Variants in GAD2 observed in about 807,000 individuals in gnomAD.
GAD2 encodes the protein 65 kDa glutamic acid decarboxylase.
In GAD2, 22 loss-of-function variants were observed where a neutral mutation model predicts 80.1. The observed-to-expected ratio is 0.27, with a 90% confidence interval of 0.20 to 0.39. The LOEUF (loss-of-function observed/expected upper bound fraction) is 0.39, where lower values mean the gene tolerates loss of function less well. Among genes scored for constraint, GAD2 ranks in the 10% least tolerant of loss-of-function variants. The pLI, the probability that GAD2 is intolerant of heterozygous loss-of-function variation, is 1.00. For synonymous variants in GAD2, 274 were observed against 256.9 expected (o/e 1.07, Z -0.64); for missense variants, 624 against 738.4 (o/e 0.85, Z 1.80).
chr10:26,292,989 A>G lies in GAD2; in HGVS notation c.1582A>G (p.Lys528Glu). ...TGAAGAGAGAATGAGTCGCCTCTCG[A>G]AGGTCAGTGCTCCAAGCTCCTCTGA... The part of the protein sequence containing the change: ...DNEERMSRLS[K>E]VAPVIKARMM... The change falls in exon 15 of 16, where the codon AAG (lysine) becomes GAG (glutamate). Residue 528 changes from lysine (K) to glutamate (E), a missense_variant and splice_region_variant. Coordinates refer to ENST00000376261, the MANE Select transcript of GAD2 (RefSeq NM_001134366.2). 1.2e-6 allele frequency: 2 copies of G among 1,611,524 alleles called. No individual in the cohort carries two copies. The highest frequency in any genetic ancestry group is 1.7e-6 in the Non-Finnish European group (2 of 1,178,236).
At chr10:26,233,577 C>A (rs1326439092) in intron 7 of GAD2, among the ~76,000 whole-genome samples, 1 of 152,178 alleles carries the variant, frequency 6.6e-6, no homozygotes, top group Non-Finnish European at 1.5e-5. Context: ...GGGCTCTAGA[C>A]CTCAGACATT....
At chr10:26,227,183 G>A (rs1166476319) in intron 6 of GAD2, among the ~76,000 whole-genome samples, 2 of 152,122 alleles carry the variant, frequency 1.3e-5, no homozygotes, top group Non-Finnish European at 2.9e-5. Flanking sequence ...AGTAGAGATG[G>A]GGTTTCACCA....
At chr10:26,296,918 G>C (rs1834280858) in intron 15 of GAD2, among the ~76,000 whole-genome samples, 1 of 140,788 alleles carries the variant, frequency 7.1e-6, no homozygotes, top group African/African-American at 2.8e-5. Context: ...TCGCATATTA[G>C]AATTTTTTTT....
chr10:26,249,129 C>A (rs945508702), intron 8 of GAD2, among the ~76,000 whole-genome samples: 1 of 152,182 alleles, frequency 6.6e-6, no homozygotes, highest in Non-Finnish European at 1.5e-5. Context: ...GTGGTGCTGT[C>A]TCGGCTCACT....
rs111385745 is a variant in GAD2 at position 26,217,230 on chromosome 10, G to GAA, written c.76+354_76+355dup. On this transcript the variant is annotated intron_variant, in intron 1 of 15. Transcript: ENST00000376261. The surrounding 1 kb of genome is among the most constrained non-coding windows in gnomAD (Gnocchi z 4.9). ...GTGGGACGGAGTGACCGTGAAGATA[G>GAA]AAAAAAAAAATGGGAAAGGTGAGAG... Among the ~76,000 whole-genome samples the GAA allele has an allele frequency of 7.5e-5, 11 of 147,306 alleles. No homozygotes were observed. The highest frequency in any genetic ancestry group is 2.7e-4 in the African/African-American group (11 of 40,196).
chr10:26,216,674 C>A, upstream of GAD2: 5 of 542,638 alleles, frequency 9.2e-6, 1 homozygote, highest in East Asian at 1.1e-4. The surrounding 1 kb of genome is among the most constrained non-coding windows in gnomAD (Gnocchi z 4.7). Flanking sequence ...CACCCGCCCT[C>A]GCCGCTCGGC....
At chr10:26,299,665 C>T (rs1413965394) in intron 15 of GAD2, among the ~76,000 whole-genome samples, 1 of 152,144 alleles carries the variant, frequency 6.6e-6, no homozygotes, top group Non-Finnish European at 1.5e-5. Context: ...CCCTCCAGGA[C>T]CTGACAGTTG....
intron 8 of GAD2, among the ~76,000 whole-genome samples, chr10:26,248,212 TGGCCCGAAAGGGTG>T (rs1844833494): frequency 6.6e-6 from 1 of 152,230 alleles, no homozygotes; most frequent in Non-Finnish European, 1.5e-5. Context: ...CACATCAGTT[TGGCCCGAAAGGGTG>T]GGATATCTTG....
chr10:26,275,086 T>C (rs1418802955), intron 11 of GAD2, among the ~76,000 whole-genome samples: 2 of 152,140 alleles, frequency 1.3e-5, no homozygotes, highest in African/African-American at 4.8e-5. Flanking sequence ...ATCTTGAAGA[T>C]CTGCAAGAAA....
intron 4 of GAD2, among the ~76,000 whole-genome samples, chr10:26,221,464 A>G (rs1348885780): frequency 6.6e-6 from 1 of 152,202 alleles, no homozygotes; most frequent in Non-Finnish European, 1.5e-5. Context: ...AGATCATTAG[A>G]TTTGGTGCTA....
chr10:26,278,611 T>G (rs970475685), intron 11 of GAD2, among the ~76,000 whole-genome samples: 1 of 152,156 alleles, frequency 6.6e-6, no homozygotes, highest in Non-Finnish European at 1.5e-5. Flanking sequence ...AGGGTCATTC[T>G]ACAAAGCAAG....
intron 6 of GAD2, 34 bp from the exon 7 acceptor site, chr10:26,229,624 TAATA>T (rs746939615): frequency 7.1e-6 from 10 of 1,410,952 alleles, no homozygotes; most frequent in South Asian, 4.7e-5. Context: ...ATGAGGTTGA[TAATA>T]AATAAAGTAA....
At chr10:26,264,427 G>C (rs1453696709) in intron 8 of GAD2, among the ~76,000 whole-genome samples, 2 of 151,222 alleles carry the variant, frequency 1.3e-5, no homozygotes, top group African/African-American at 4.9e-5. Context: ...TCCTGCCTCA[G>C]CCTCCAGAGT....
intron 8 of GAD2, among the ~76,000 whole-genome samples, chr10:26,260,174 T>C (rs1340706007): frequency 1.3e-5 from 2 of 152,234 alleles, no homozygotes; most frequent in Admixed American, 6.5e-5. Context: ...AATTCTTCAA[T>C]ACAATTCTCA....
In GAD2 at chr10:26,240,424, T is replaced by TG. The variant is rs372793801; in HGVS notation, c.841-5496dup. ...ATTTGTGCATGTTTTAAGGATAAGC[T>TG]GAATCATGTAACCTGTGTCTGGTTT... On this transcript the variant is annotated intron_variant, in intron 7 of 15. Transcript: ENST00000376261. Among the ~76,000 whole-genome samples the TG allele has an allele frequency of 4.2e-3, 641 of 152,322 alleles. 6 individuals carry two copies. The highest frequency in any genetic ancestry group is 0.015 in the African/African-American group (605 of 41,568).
rs1327631130 is a variant in GAD2 at position 26,217,646 on chromosome 10, G to A, written c.113G>A (p.Gly38Asp). 6.2e-7 allele frequency: 1 copy of A among 1,613,776 alleles called. No individual in the cohort carries two copies. The highest frequency in any genetic ancestry group is 1.1e-5 in the South Asian group (1 of 90,968). The change falls in exon 2 of 16, where the codon GGC becomes GAC. Residue 38 changes from glycine to aspartate, a missense_variant. By Grantham distance (94) the Gly-to-Asp change is moderately conservative. Coordinates refer to ENST00000376261, the MANE Select transcript of GAD2 (RefSeq NM_001134366.2). The surrounding 1 kb of genome is among the most constrained non-coding windows in gnomAD (Gnocchi z 4.9). Reference sequence around the variant, plus strand: ...TGCCAAGTGGCTCAGAAGTTCACGGGCGGCATCGGAAACAAACTGTGCGGT... The same window carrying A: ...TGCCAAGTGGCTCAGAAGTTCACGGACGGCATCGGAAACAAACTGTGCGGT... Reference protein sequence around the residue: ...AWCQVAQKFTGGIGNKLCALL... With the variant: ...AWCQVAQKFTDGIGNKLCALL...
chr10:26,219,929 A>G (rs924627606), intron 4 of GAD2, among the ~76,000 whole-genome samples: 4 of 152,234 alleles, frequency 2.6e-5, no homozygotes, highest in African/African-American at 9.6e-5. Flanking sequence ...ATAAAGAAAA[A>G]GGGGGGGAGG....
At chr10:26,274,913 G>C (rs902548238) in intron 11 of GAD2, among the ~76,000 whole-genome samples, 46 of 152,340 alleles carry the variant, frequency 3.0e-4, no homozygotes, top group African/African-American at 1.0e-3. Context: ...AGCCTGGCCT[G>C]AGCACAGCGG....
At chr10:26,238,005 G>GAC (rs58551669) in intron 7 of GAD2, among the ~76,000 whole-genome samples, 13,320 of 118,088 alleles carry the variant, frequency 0.11, 607 homozygotes, top group Middle Eastern at 0.22. Flanking sequence ...CCATCACACA[G>GAC]ACACACACAC....
Sources: gnomAD v4.1 joint callset for allele counts (sites outside exome capture counted in the v4.1 genomes callset) on GRCh38, gnomAD v4.1.1 for gene constraint, Gnocchi (gnomAD v3.1) non-coding constraint, MANE v1.5 for transcripts, NCBI Gene and HGNC (gene_info 2026-07-23, HGNC 2026-07-21) for gene names.